The following PCDHA3 variants were observed in gnomAD, a reference collection of about 807,000 sequenced individuals.
PCDHA3 encodes protocadherin alpha-3.
Under a neutral mutation model 62.2 loss-of-function variants are expected in PCDHA3, and 41 were observed. That is an observed-to-expected ratio of 0.66 (90% CI 0.51 to 0.86). The LOEUF is 0.86. Ranked by LOEUF, PCDHA3 falls within the 40% of genes least tolerant of loss-of-function variation. The pLI, the probability that PCDHA3 is intolerant of heterozygous loss-of-function variation, is 0.00. For synonymous variants in PCDHA3, 640 were observed against 555.4 expected, an observed-to-expected ratio of 1.15 and a Z score of -2.14; for missense variants, 1,304 against 1,241.2, an observed-to-expected ratio of 1.05 and a Z score of -0.76.
chr5:140,824,488 C>A (rs1768136874), intron 1 of PCDHA3: 2 of 355,752 alleles, frequency 5.6e-6, no homozygotes, highest in East Asian at 6.0e-5. Context: ...TTTTAGAGAC[C>A]CTTTGTTGCT....
At chr5:140,939,207 T>C (rs1013809748) in intron 1 of PCDHA3, among the ~76,000 whole-genome samples, 1 of 152,180 alleles carries the variant, frequency 6.6e-6, no homozygotes, top group Non-Finnish European at 1.5e-5. Context: ...GAATGTCACC[T>C]TCTTGCTGTC....
chr5:140,928,000 G>C, intron 1 of PCDHA3: 1 of 1,614,166 alleles, frequency 6.2e-7, no homozygotes. Flanking sequence ...TGAAGACCTC[G>C]ATTCTAATGG....
intron 1 of PCDHA3, chr5:140,830,381 C>T: frequency 6.2e-7 from 1 of 1,614,138 alleles, no homozygotes; most frequent in Non-Finnish European, 8.5e-7. Context: ...CGGGGAGGGC[C>T]CACCCAAGAT....
At position 140,802,141 on chromosome 5, in the gene PCDHA3, C is replaced by A. The variant is rs781954887; in HGVS notation, c.944C>A (p.Ser315Ter). ...KGNIDFEESK[S>*]YEIQVEATDK... ...AACATAGATTTCGAGGAAAGTAAGT[C>A]ATATGAAATCCAGGTAGAAGCCACG... Residue 315 changes from serine to a stop codon, truncating the protein, a stop_gained, in exon 1 of 4, where the codon TCA (serine) becomes TAA (stop). Coordinates refer to ENST00000522353, the MANE Select transcript of PCDHA3 (RefSeq NM_018906.3). LOFTEE classifies it high-confidence loss of function. The A allele has an allele frequency of 2.5e-6, 4 of 1,614,162 alleles. No individual in the cohort carries two copies. Among genetic ancestry groups the A allele is most frequent in the African/African-American group, 2.7e-5 (2 of 75,040 alleles).
At chr5:140,826,663 A>C (rs1554130616) in intron 1 of PCDHA3, among the ~76,000 whole-genome samples, 1 of 152,182 alleles carries the variant, frequency 6.6e-6, no homozygotes, top group Non-Finnish European at 1.5e-5. Flanking sequence ...TTGCAAGTAA[A>C]TTGTAGACGT....
chr5:140,924,901 A>AAT (rs145282866), intron 1 of PCDHA3, among the ~76,000 whole-genome samples: 9,116 of 79,802 alleles, frequency 0.11, 381 homozygotes, highest in Middle Eastern at 0.21. Context: ...TCTCAAAAAA[A>AAT]AAAATAAAAT....
Position 140,929,060 on chromosome 5 carries a change from A to G in PCDHA3, c.2395-49889A>G, listed in dbSNP as rs782222884. 3 of 1,614,188 alleles carry G rather than the reference A, an allele frequency of 1.9e-6. No individual in the cohort carries two copies. In the South Asian group the frequency reaches 3.3e-5, roughly 18 times the overall value. On this transcript the variant is annotated intron_variant, in intron 1 of 3. Transcript: ENST00000522353. ...GCTCAGAGCTGCTGTCGCTCTACAGAGGATCTGAGGTATGGAAGTAAGATG... is the reference window on the plus strand; with the variant it reads ...GCTCAGAGCTGCTGTCGCTCTACAGGGGATCTGAGGTATGGAAGTAAGATG...
rs2150121696 is a variant in PCDHA3 at position 140,823,053 on chromosome 5, G to C, written c.2394+19462G>C. 3 of 1,614,190 alleles carry C rather than the reference G, an allele frequency of 1.9e-6. No homozygotes were observed. In the Admixed American group the frequency reaches 5.0e-5, roughly 27 times the overall value. On this transcript the variant is annotated intron_variant, in intron 1 of 3. Coordinates refer to ENST00000522353, the MANE Select transcript of PCDHA3 (RefSeq NM_018906.3). ...CGGTCTATGAGCTGGTGGTGACCGC[G>C]CGGGACGGGGGCTCGCCTTCGCTGT...
chr5:140,824,500 A>C, intron 1 of PCDHA3: 1 of 320,040 alleles, frequency 3.1e-6, no homozygotes, highest in Non-Finnish European at 5.7e-6. Flanking sequence ...TTTGTTGCTT[A>C]GTCTGCAGTG....
Position 141,009,916 on chromosome 5 carries a change from G to T in PCDHA3, c.2832G>T (p.Thr944=). The change falls in exon 4 of 4, where the codon ACG becomes ACT. Residue 944 remains threonine, a synonymous_variant. Coordinates refer to ENST00000522353, the MANE Select transcript of PCDHA3 (RefSeq NM_018906.3). ...AGAAAAAAGAGAAAGGGAACAGCAC[G>T]ACTGACAACAGTGACCAGTGAGGTC... ...TQEKKEKGNS[T]TDNSDQ The T allele has an allele frequency of 6.2e-7, 1 of 1,611,502 alleles. No individual in the cohort carries two copies. Among genetic ancestry groups the T allele is most frequent in the South Asian group, 1.1e-5 (1 of 90,550 alleles).
chr5:140,842,157 A>C, intron 1 of PCDHA3: 1 of 1,613,874 alleles, frequency 6.2e-7, no homozygotes, highest in Non-Finnish European at 8.5e-7. Flanking sequence ...GCAATTTCAT[A>C]TTCTTTTAAT....
At chr5:140,975,174 T>C (rs1470598627) in intron 1 of PCDHA3, among the ~76,000 whole-genome samples, 1 of 152,208 alleles carries the variant, frequency 6.6e-6, no homozygotes, top group Non-Finnish European at 1.5e-5. Context: ...GACTCAGGAC[T>C]CTTGTCCCAT....
chr5:140,802,415 A>G lies in PCDHA3; in HGVS notation c.1218A>G (p.Ser406=), dbSNP rs782635659. 3.0e-5 allele frequency: 49 copies of G among 1,614,056 alleles called. No individual in the cohort carries two copies. The Admixed American group carries it at 6.0e-4, about 20-fold the overall frequency. ...TGTCCACCTTCAAGAATTACTACTC[A>G]TTGGTGCTGGACAGCCCTCTGGACC... ...KLVSTFKNYY[S]LVLDSPLDRE... The change falls in exon 1 of 4, where the codon TCA becomes TCG. Residue 406 remains serine, a synonymous_variant. Transcript: ENST00000522353.
chr5:140,958,997 A>C (rs1356032687), intron 1 of PCDHA3, among the ~76,000 whole-genome samples: 1 of 152,076 alleles, frequency 6.6e-6, no homozygotes, highest in African/African-American at 2.4e-5. Context: ...CTAATCTTTT[A>C]CTGTACCTAA....
intron 1 of PCDHA3, among the ~76,000 whole-genome samples, chr5:140,946,305 T>C (rs1484740423): frequency 6.6e-6 from 1 of 151,868 alleles, no homozygotes; most frequent in East Asian, 1.9e-4. Flanking sequence ...CCTGGTAGAA[T>C]GGCTATTATT....
At chr5:140,849,935 G>T (rs2150458512) in intron 1 of PCDHA3, 2 of 1,597,924 alleles carry the variant, frequency 1.3e-6, no homozygotes, top group African/African-American at 2.7e-5. Context: ...TGTCTGCGCG[G>T]GACGCTGACG....
At chr5:140,919,816 A>T (rs542185810) in intron 1 of PCDHA3, among the ~76,000 whole-genome samples, 22 of 152,358 alleles carry the variant, frequency 1.4e-4, no homozygotes, top group African/African-American at 5.3e-4. Flanking sequence ...GGCCTCAAAA[A>T]TATATGTCCA....
intron 1 of PCDHA3, among the ~76,000 whole-genome samples, chr5:140,893,884 G>T (rs189719076): frequency 6.6e-6 from 1 of 152,296 alleles, no homozygotes; most frequent in Non-Finnish European, 1.5e-5. Flanking sequence ...AAAGTGGCCA[G>T]AAAGTTACTT....
chr5:140,966,280 G>C (rs782249047), intron 1 of PCDHA3: 3 of 365,660 alleles, frequency 8.2e-6, no homozygotes, highest in African/African-American at 4.2e-5. Flanking sequence ...CTGGACAGTG[G>C]GGGTAGGGAG....
Sources: allele counts gnomAD v4.1 joint callset (sites outside exome capture counted in the v4.1 genomes callset), GRCh38; gene constraint gnomAD v4.1.1; transcripts MANE v1.5; gene names NCBI Gene and HGNC (gene_info 2026-07-23, HGNC 2026-07-21).